RBFOX1: variants seen among roughly 807,000 people sequenced by gnomAD.
The protein encoded by RBFOX1 is RNA binding fox-1 homolog 1.
Under a neutral mutation model 57.7 loss-of-function variants are expected in RBFOX1, and 8 were observed. That is an observed-to-expected ratio of 0.14 (90% CI 0.08 to 0.25). The LOEUF (loss-of-function observed/expected upper bound fraction) is 0.25. RBFOX1 is among the 10% of genes least tolerant of loss of function. The pLI is 1.00. For synonymous variants in RBFOX1, 326 were observed against 222.4 expected (o/e 1.47, Z -4.15); for missense variants, 611 against 548.5 (o/e 1.11, Z -1.14).
At chr16:6,553,961 C>G (rs754545409) in intron 2 of RBFOX1, among the ~76,000 whole-genome samples, 1 of 152,038 alleles carries the variant, frequency 6.6e-6, no homozygotes, top group African/African-American at 2.4e-5. Context: ...AGGGCAGGTA[C>G]CAGGGTTTAT....
intron 2 of RBFOX1, among the ~76,000 whole-genome samples, chr16:6,633,155 C>T (rs982438425): frequency 5.3e-5 from 8 of 152,222 alleles, no homozygotes; most frequent in East Asian, 1.9e-4. Flanking sequence ...CCCTGTGCTG[C>T]GTGGGGATCT....
intron 1 of RBFOX1, among the ~76,000 whole-genome samples, chr16:6,085,436 C>G (rs916760036): frequency 6.6e-6 from 1 of 152,056 alleles, no homozygotes; most frequent in African/African-American, 2.4e-5. Flanking sequence ...CTATGCCCAG[C>G]TAATTTTGTA....
At chr16:6,483,544 G>C in intron 2 of RBFOX1, 3 of 1,535,638 alleles carry the variant, frequency 2.0e-6, no homozygotes, top group Non-Finnish European at 2.6e-6. Flanking sequence ...ATGCCCTTCA[G>C]GTACGGCGAG....
At chr16:5,250,688 C>T (rs922514291) in intron 1 of RBFOX1, among the ~76,000 whole-genome samples, 8 of 141,358 alleles carry the variant, frequency 5.7e-5, no homozygotes, top group Non-Finnish European at 6.3e-5. Flanking sequence ...GACATTGTCT[C>T]ACGTTGGAAC....
chr16:6,634,009 C>G (rs912911898), intron 2 of RBFOX1, among the ~76,000 whole-genome samples: 1 of 152,054 alleles, frequency 6.6e-6, no homozygotes, highest in Non-Finnish European at 1.5e-5. Context: ...GAGTAAGACC[C>G]CATCTCAAAG....
intron 1 of RBFOX1, among the ~76,000 whole-genome samples, chr16:6,239,086 C>G (rs1481878347): frequency 6.6e-6 from 1 of 151,900 alleles, no homozygotes; most frequent in South Asian, 2.1e-4. Context: ...AAGGTAAGAA[C>G]CTCTAATATA....
At chr16:5,828,469 G>T (rs1373413978) in intron 3 of RBFOX1, among the ~76,000 whole-genome samples, 1 of 152,182 alleles carries the variant, frequency 6.6e-6, no homozygotes, top group Admixed American at 6.5e-5. Context: ...GGAGGCCGAG[G>T]TGGGCGGATC....
intron 4 of RBFOX1, among the ~76,000 whole-genome samples, chr16:7,132,276 C>T (rs779218460): frequency 5.9e-5 from 9 of 151,994 alleles, no homozygotes; most frequent in Admixed American, 1.3e-4. Flanking sequence ...ATACCCTGTC[C>T]GGCCAGAGTC....
At chr16:7,230,973 G>A (rs1323565275) in intron 4 of RBFOX1, among the ~76,000 whole-genome samples, 1 of 152,074 alleles carries the variant, frequency 6.6e-6, no homozygotes, top group Non-Finnish European at 1.5e-5. Flanking sequence ...CCGAAGCTGG[G>A]TCTGAGTCCC....
At chr16:7,346,595 T>C (rs2097013719) in intron 4 of RBFOX1, among the ~76,000 whole-genome samples, 3 of 151,680 alleles carry the variant, frequency 2.0e-5, no homozygotes, top group Admixed American at 1.3e-4. Context: ...AGAAGTCTCG[T>C]TGCTGACACA....
chr16:7,468,877 C>T lies in RBFOX1; in HGVS notation c.28-49270C>T, dbSNP rs191167006. Among the ~76,000 whole-genome samples the T allele has an allele frequency of 3.2e-3, 479 of 152,034 alleles. 1 individual carries two copies. The highest frequency in any genetic ancestry group is 5.6e-3 in the Non-Finnish European group (381 of 67,984). Reference sequence around the variant, plus strand: ...GGAGGTTGCGAGGATCACAGGGTCCCGTCCAAATGACCTGATTCAGGAATT... The same window carrying T: ...GGAGGTTGCGAGGATCACAGGGTCCTGTCCAAATGACCTGATTCAGGAATT... On this transcript the variant is annotated intron_variant, in intron 4 of 15. Coordinates refer to ENST00000550418, the MANE Select transcript of RBFOX1 (RefSeq NM_018723.4).
intron 14 of RBFOX1, among the ~76,000 whole-genome samples, chr16:7,701,165 C>T (rs989794012): frequency 6.8e-6 from 1 of 147,080 alleles, no homozygotes; most frequent in Admixed American, 6.6e-5. Flanking sequence ...GAAACTCAAA[C>T]AGAGCCAAGT....
rs539337116 is a variant in RBFOX1 at position 5,870,585 on chromosome 16, G to A, written c.351+3250G>A. ...CTTCCTTCATTCTTTTTTTATTCCA[G>A]TCTCCCATTTCCCAGATGGAACAGT... is the stretch of plus-strand genomic sequence containing the variant. On this transcript the variant is annotated intron_variant, in intron 4 of 19. Coordinates refer to the RBFOX1 transcript ENST00000641259. Among the ~76,000 whole-genome samples, 11 of 151,688 alleles carry A rather than the reference G, an allele frequency of 7.3e-5. No homozygotes were observed. The East Asian group carries it at 2.1e-3, about 29-fold the overall frequency.
chr16:6,840,211 A>G (rs543168689), intron 3 of RBFOX1, among the ~76,000 whole-genome samples: 38 of 152,320 alleles, frequency 2.5e-4, no homozygotes, highest in South Asian at 2.1e-4. Context: ...ATTCTAGACT[A>G]AAAAGAGGTC....
chr16:6,389,692 A>C (rs1163504833), intron 2 of RBFOX1, among the ~76,000 whole-genome samples: 1 of 152,186 alleles, frequency 6.6e-6, no homozygotes, highest in Non-Finnish European at 1.5e-5. Flanking sequence ...AGTGCTAATC[A>C]ATGACGAACC....
intron 3 of RBFOX1, among the ~76,000 whole-genome samples, chr16:6,895,407 G>C (rs1050956527): frequency 1.5e-4 from 19 of 128,276 alleles, no homozygotes; most frequent in African/African-American, 5.4e-4. Flanking sequence ...GCCACTAGTT[G>C]TTAGTAATAT....
chr16:7,411,201 C>T (rs1330672474), intron 4 of RBFOX1, among the ~76,000 whole-genome samples: 2 of 151,384 alleles, frequency 1.3e-5, no homozygotes, highest in Non-Finnish European at 2.9e-5. Context: ...CCTTCTCAGC[C>T]TCCCAAAGTG....
chr16:6,154,914 A>T (rs567388911), intron 1 of RBFOX1, among the ~76,000 whole-genome samples: 1 of 152,256 alleles, frequency 6.6e-6, no homozygotes, highest in Non-Finnish European at 1.5e-5. Flanking sequence ...TTGAAAAAGA[A>T]TTCAATTAGC....
chr16:6,639,674 A>T (rs1388744333), intron 2 of RBFOX1, among the ~76,000 whole-genome samples: 1 of 152,070 alleles, frequency 6.6e-6, no homozygotes, highest in Non-Finnish European at 1.5e-5. Flanking sequence ...CAGGAGATTG[A>T]GACCATCCTG....
Sources: gnomAD v4.1 joint callset for allele counts (sites outside exome capture counted in the v4.1 genomes callset) on GRCh38, gnomAD v4.1.1 for gene constraint, MANE v1.5 for transcripts, NCBI Gene and HGNC (gene_info 2026-07-23, HGNC 2026-07-21) for gene names.